Variants in TRHDE observed in about 807,000 individuals in gnomAD.
TRHDE encodes the protein thyrotropin releasing hormone degrading enzyme.
In TRHDE, 72 loss-of-function variants were observed where a neutral mutation model predicts 125.7. The ratio of observed to expected loss-of-function variants is 0.57; its 90% CI spans 0.47 to 0.70. TRHDE has a LOEUF of 0.70. Ranked by LOEUF, TRHDE falls within the 30% of genes least tolerant of loss-of-function variation. The probability of loss-of-function intolerance (pLI) is 0.00; values close to 1 mark genes in which losing one functional copy is unlikely to be tolerated. For synonymous variants in TRHDE, 509 were observed against 509.1 expected (o/e 1.00, Z 0.00); for missense variants, 1,110 against 1,327.1 (o/e 0.84, Z 2.54).
At chr12:72,421,372 C>T (rs1018958377) in intron 3 of TRHDE, among the ~76,000 whole-genome samples, 1 of 152,124 alleles carries the variant, frequency 6.6e-6, no homozygotes, top group Non-Finnish European at 1.5e-5. Flanking sequence ...GAAGCCTGAG[C>T]TCAGCTGTGG....
chr12:72,113,835 G>A (rs536631902), intron 2 of TRHDE, among the ~76,000 whole-genome samples: 3 of 152,098 alleles, frequency 2.0e-5, no homozygotes, highest in Non-Finnish European at 4.4e-5. Context: ...TACCTTGAAA[G>A]ATGCTTTGAA....
upstream of TRHDE, among the ~76,000 whole-genome samples, chr12:72,269,908 T>C (rs1879156953): frequency 6.6e-6 from 1 of 152,180 alleles, no homozygotes; most frequent in African/African-American, 2.4e-5. Flanking sequence ...GTCTTAAAGA[T>C]CCCTTAGTGG....
intron 2 of TRHDE, among the ~76,000 whole-genome samples, chr12:72,338,863 G>A (rs1254105327): frequency 1.3e-5 from 2 of 152,092 alleles, no homozygotes; most frequent in African/African-American, 4.8e-5. Flanking sequence ...TCAAGATATC[G>A]TAATCAACAT....
chr12:72,527,457 G>A (rs1022145137), intron 6 of TRHDE, among the ~76,000 whole-genome samples: 1 of 151,954 alleles, frequency 6.6e-6, no homozygotes, highest in African/African-American at 2.4e-5. Context: ...CAAAAATAAG[G>A]ATAATGGGAA....
intron 12 of TRHDE, among the ~76,000 whole-genome samples, chr12:72,611,815 A>G (rs1872643219): frequency 6.6e-6 from 1 of 152,210 alleles, no homozygotes; most frequent in South Asian, 2.1e-4. Flanking sequence ...ACCTCTTAAT[A>G]GAATGATGTT....
intron 15 of TRHDE, among the ~76,000 whole-genome samples, chr12:72,624,775 T>C (rs756031710): frequency 5.9e-5 from 9 of 151,962 alleles, no homozygotes; most frequent in Non-Finnish European, 1.0e-4. Flanking sequence ...CATTCAGGTC[T>C]TGTTAGGCTG....
At chr12:72,397,011 C>T (rs527666321) in intron 3 of TRHDE, among the ~76,000 whole-genome samples, 3 of 152,164 alleles carry the variant, frequency 2.0e-5, no homozygotes, top group Non-Finnish European at 2.9e-5. Context: ...TCTTCACGTC[C>T]GACCTCTGTG....
chr12:72,108,454 T>G (rs1482028647), intron 2 of TRHDE, among the ~76,000 whole-genome samples: 10 of 152,118 alleles, frequency 6.6e-5, no homozygotes, highest in Admixed American at 2.6e-4. Flanking sequence ...ATACATATAT[T>G]TTTTCAGGCT....
chr12:72,650,472 A>G (rs148361722), intron 15 of TRHDE, among the ~76,000 whole-genome samples: 147 of 152,014 alleles, frequency 9.7e-4, no homozygotes, highest in African/African-American at 3.4e-3. Flanking sequence ...TTTTTTTTCT[A>G]TATTTCTACA....
chr12:72,481,131 C>T (rs375112170), intron 5 of TRHDE, among the ~76,000 whole-genome samples: 1 of 151,940 alleles, frequency 6.6e-6, no homozygotes, highest in Non-Finnish European at 1.5e-5. Flanking sequence ...ATTAATCATC[C>T]TTAACCAGAC....
intron 15 of TRHDE, among the ~76,000 whole-genome samples, chr12:72,639,805 A>T (rs1310445965): frequency 6.6e-6 from 1 of 152,072 alleles, no homozygotes; most frequent in Non-Finnish European, 1.5e-5. Flanking sequence ...CCTCCCATTT[A>T]GGCTGCTCGG....
chr12:72,482,817 C>A (rs557465987), intron 5 of TRHDE, among the ~76,000 whole-genome samples: 1 of 151,874 alleles, frequency 6.6e-6, no homozygotes, highest in Non-Finnish European at 1.5e-5. Context: ...CAATTTGAAG[C>A]ACTTGAATCA....
rs1875187703 is a variant in TRHDE at position 72,669,073 on chromosome 12, G to T, written c.*5878G>T. Reference sequence around the variant, plus strand: ...TTTTACATTAGCATGTTGTGTAGTGGGTTTTAAGTTATAACAGGTAATTAA... The same window carrying T: ...TTTTACATTAGCATGTTGTGTAGTGTGTTTTAAGTTATAACAGGTAATTAA... On this transcript the variant is annotated 3_prime_UTR_variant, in exon 19 of 19. Transcript: ENST00000261180. 1 of 151,524 alleles carries T rather than the reference G, an allele frequency of 6.6e-6. No individual in the cohort carries two copies. The highest frequency in any genetic ancestry group is 1.5e-5 in the Non-Finnish European group (1 of 67,782). The allele number at this position is 151,524 out of a possible 1,614,324, so 9.4% of individuals were successfully genotyped here. A position where few individuals can be genotyped will look rare whatever the true frequency, so the allele number is the denominator to read the frequency against.
At chr12:72,419,374 A>G (rs1188189632) in intron 3 of TRHDE, among the ~76,000 whole-genome samples, 1 of 152,222 alleles carries the variant, frequency 6.6e-6, no homozygotes, top group Non-Finnish European at 1.5e-5. Flanking sequence ...TAGGTAATTT[A>G]TAAAGAACAG....
intron 2 of TRHDE, among the ~76,000 whole-genome samples, chr12:72,164,424 G>T (rs557643876): frequency 1.7e-4 from 26 of 152,318 alleles, no homozygotes; most frequent in African/African-American, 6.3e-4. Context: ...AGGCTGAAGA[G>T]AAGACCCAGA....
intron 6 of TRHDE, among the ~76,000 whole-genome samples, chr12:72,516,611 C>G (rs1878873320): frequency 6.6e-6 from 1 of 152,246 alleles, no homozygotes; most frequent in East Asian, 1.9e-4. Flanking sequence ...TTGACTTCCT[C>G]TTTTCCTAAT....
At chr12:72,097,572 C>G (rs1874961213) in intron 1 of TRHDE, among the ~76,000 whole-genome samples, 1 of 151,528 alleles carries the variant, frequency 6.6e-6, no homozygotes. Context: ...ACCTCAGTCT[C>G]CTGAGTAGCT....
chr12:72,310,751 A>G (rs929613233), intron 2 of TRHDE, among the ~76,000 whole-genome samples: 2 of 152,140 alleles, frequency 1.3e-5, no homozygotes, highest in Non-Finnish European at 2.9e-5. Flanking sequence ...TCCCTCGTGG[A>G]TCTATTTCCT....
chr12:72,317,606 C>G (rs762684867), intron 2 of TRHDE, among the ~76,000 whole-genome samples: 1 of 152,026 alleles, frequency 6.6e-6, no homozygotes, highest in Non-Finnish European at 1.5e-5. Flanking sequence ...CATGAAGGCT[C>G]CCAATTACTT....
Sources: gnomAD v4.1 joint callset for allele counts (sites outside exome capture counted in the v4.1 genomes callset) on GRCh38, gnomAD v4.1.1 for gene constraint, MANE v1.5 for transcripts, NCBI Gene and HGNC (gene_info 2026-07-23, HGNC 2026-07-21) for gene names.